The following CTNNA2 variants were observed in gnomAD, a reference collection of about 807,000 sequenced individuals.
CTNNA2 encodes catenin alpha 2.
In CTNNA2, 42 loss-of-function variants were observed where a neutral mutation model predicts 101.0. That is an observed-to-expected ratio of 0.42 (90% CI 0.32 to 0.54). CTNNA2 has a LOEUF of 0.54. Ranked by LOEUF, CTNNA2 falls within the 20% of genes least tolerant of loss-of-function variation. The pLI, the probability that CTNNA2 is intolerant of heterozygous loss-of-function variation, is 0.14. For missense variants in CTNNA2, 871 were observed against 1,223.1 expected (o/e 0.71, Z 4.29); for synonymous variants, 450 against 456.4 (o/e 0.99, Z 0.18).
At chr2:79,269,758 C>T (rs939479106) in intron 2 of CTNNA2, among the ~76,000 whole-genome samples, 2 of 152,090 alleles carry the variant, frequency 1.3e-5, no homozygotes, top group Non-Finnish European at 2.9e-5. Flanking sequence ...TTATTGTATG[C>T]ACTACTATCA....
At position 80,303,311 on chromosome 2, in the gene CTNNA2, G is replaced by C; in HGVS notation, c.1057-89900G>C. On this transcript the variant is annotated intron_variant, in intron 7 of 18. Transcript: ENST00000402739. This position sits in a 1 kb window ranked among gnomAD's most constrained non-coding sequence, Gnocchi z 7.7. ...CACGGGCACAAACTGGATGGCGTTG[G>C]CCCGCATATGCAGCGTGGTGAGCTT... is the stretch of plus-strand genomic sequence containing the variant. 2 of 1,613,702 alleles carry C rather than the reference G, an allele frequency of 1.2e-6. No individual in the cohort carries two copies. The highest frequency in any genetic ancestry group is 1.7e-6 in the Non-Finnish European group (2 of 1,180,038).
At chr2:79,297,840 T>C (rs527655327) in intron 2 of CTNNA2, among the ~76,000 whole-genome samples, 1 of 152,330 alleles carries the variant, frequency 6.6e-6, no homozygotes, top group Non-Finnish European at 1.5e-5. Flanking sequence ...TCCTTTTCTC[T>C]TGAAGTCAAA....
At chr2:80,149,923 C>A (rs1314072442) in intron 7 of CTNNA2, among the ~76,000 whole-genome samples, 1 of 152,076 alleles carries the variant, frequency 6.6e-6, no homozygotes, top group Non-Finnish European at 1.5e-5. Flanking sequence ...AAAACACATG[C>A]CTGAAGAATG....
intron 9 of CTNNA2, among the ~76,000 whole-genome samples, chr2:80,499,005 A>G (rs1189931021): frequency 1.3e-5 from 2 of 152,214 alleles, no homozygotes; most frequent in Non-Finnish European, 1.5e-5. Context: ...AGCAGTAAGT[A>G]ACGTGATTTC....
At chr2:80,361,636 A>G (rs1674415633) in intron 7 of CTNNA2, among the ~76,000 whole-genome samples, 1 of 152,156 alleles carries the variant, frequency 6.6e-6, no homozygotes, top group Admixed American at 6.5e-5. Flanking sequence ...AACTAGAAAA[A>G]TACAGCAGGA....
At chr2:80,070,749 T>C (rs371226177) in intron 7 of CTNNA2, among the ~76,000 whole-genome samples, 36 of 150,586 alleles carry the variant, frequency 2.4e-4, no homozygotes, top group African/African-American at 6.9e-4. Flanking sequence ...ATCAGTTCCA[T>C]TGGGCCAAAA....
chr2:80,504,105 G>A (rs1688078844), intron 9 of CTNNA2, among the ~76,000 whole-genome samples: 1 of 152,138 alleles, frequency 6.6e-6, no homozygotes, highest in Non-Finnish European at 1.5e-5. Context: ...TCTGCCCAGG[G>A]CCTCACCAGG....
At chr2:80,487,988 T>A (rs1686733957) in intron 9 of CTNNA2, among the ~76,000 whole-genome samples, 1 of 152,244 alleles carries the variant, frequency 6.6e-6, no homozygotes, top group Admixed American at 6.5e-5. Context: ...AATTTGTAGA[T>A]CTTTTTATTT....
chr2:79,700,721 A>G (rs1684948617), intron 2 of CTNNA2, among the ~76,000 whole-genome samples: 1 of 152,148 alleles, frequency 6.6e-6, no homozygotes, highest in South Asian at 2.1e-4. Flanking sequence ...GAGGGAATAG[A>G]GGTGGGAAAA....
intron 2 of CTNNA2, among the ~76,000 whole-genome samples, chr2:79,720,577 G>A (rs1329846240): frequency 6.6e-6 from 1 of 152,002 alleles, no homozygotes; most frequent in Non-Finnish European, 1.5e-5. Context: ...CAGCAGTTTT[G>A]TAGTTCTTTT....
intron 7 of CTNNA2, among the ~76,000 whole-genome samples, chr2:79,940,408 C>T (rs186248310): frequency 2.0e-5 from 3 of 152,086 alleles, no homozygotes; most frequent in East Asian, 1.9e-4. Flanking sequence ...AGATAAATAC[C>T]GATTTGATCT....
chr2:80,602,515 A>G (rs2149771251), intron 15 of CTNNA2, among the ~76,000 whole-genome samples: 1 of 152,238 alleles, frequency 6.6e-6, no homozygotes, highest in East Asian at 1.9e-4. Flanking sequence ...ATATTGTGTC[A>G]GAGTAAACAT....
chr2:79,227,742 T>C (rs1674438236), intron 2 of CTNNA2, among the ~76,000 whole-genome samples: 1 of 152,174 alleles, frequency 6.6e-6, no homozygotes, highest in South Asian at 2.1e-4. Flanking sequence ...CTTCAGTGAG[T>C]CATAATCTTT....
chr2:79,219,118 A>T (rs1219266680), intron 2 of CTNNA2, among the ~76,000 whole-genome samples: 4 of 152,142 alleles, frequency 2.6e-5, no homozygotes, highest in Non-Finnish European at 4.4e-5. Context: ...TTTTCCCTAA[A>T]ATTGTACCAT....
chr2:80,052,872 A>G (rs111544906), intron 7 of CTNNA2, among the ~76,000 whole-genome samples: 113 of 152,316 alleles, frequency 7.4e-4, no homozygotes, highest in African/African-American at 2.5e-3. Context: ...ATAAGTACAG[A>G]TGGGAGAGAG....
In CTNNA2 at chr2:80,087,456, A is replaced by G. The variant is rs148169046; in HGVS notation, c.1056+177659A>G. Among the ~76,000 whole-genome samples, 314 of 152,152 alleles carry G rather than the reference A, an allele frequency of 2.1e-3. 1 individual carries two copies. Among genetic ancestry groups the G allele is most frequent in the African/African-American group, 7.4e-3 (308 of 41,546 alleles). On this transcript the variant is annotated intron_variant, in intron 7 of 18. Transcript: ENST00000402739. ...CAGAAAGTGTAACAGCTTAATCCAT[A>G]AGCAGGTATGCAGGTCTGTGTAAAT...
At chr2:79,998,299 T>G (rs1692695581) in intron 7 of CTNNA2, among the ~76,000 whole-genome samples, 1 of 152,234 alleles carries the variant, frequency 6.6e-6, no homozygotes, top group African/African-American at 2.4e-5. Context: ...GAATGAGATT[T>G]ACAGTGTTAT....
At chr2:80,404,644 C>T (rs1051851361) in intron 8 of CTNNA2, among the ~76,000 whole-genome samples, 5 of 152,068 alleles carry the variant, frequency 3.3e-5, no homozygotes, top group Non-Finnish European at 2.9e-5. Flanking sequence ...TGAAAAGGAG[C>T]TATTGATTCA....
intron 4 of CTNNA2, among the ~76,000 whole-genome samples, chr2:79,476,281 G>C (rs543408153): frequency 2.0e-4 from 31 of 152,278 alleles, no homozygotes; most frequent in Admixed American, 2.0e-3. Context: ...GAATCAGGTA[G>C]AGCCAGCATC....
Sources: allele counts gnomAD v4.1 joint callset (sites outside exome capture counted in the v4.1 genomes callset), GRCh38; gene constraint gnomAD v4.1.1; non-coding constraint Gnocchi (gnomAD v3.1); transcripts MANE v1.5; gene names NCBI Gene and HGNC (gene_info 2026-07-23, HGNC 2026-07-21).